FAM135B: variants seen among roughly 807,000 people sequenced by gnomAD.
FAM135B encodes the protein family with sequence similarity 135 member B, also known as protein FAM135B.
Under a neutral mutation model 127.7 loss-of-function variants are expected in FAM135B, and 43 were observed. That is an observed-to-expected ratio of 0.34 (90% confidence interval 0.26 to 0.43). FAM135B has a LOEUF of 0.43. Ranked by LOEUF, FAM135B falls within the 20% of genes least tolerant of loss-of-function variation. The probability of loss-of-function intolerance (pLI) is 1.00; values close to 1 mark genes in which losing one functional copy is unlikely to be tolerated. For missense variants in FAM135B, 1,558 were observed against 1,725.6 expected (o/e 0.90, Z 1.72); for synonymous variants, 670 against 665.1 (o/e 1.01, Z -0.11).
chr8:138,397,314 T>C (rs75985588), intron 1 of FAM135B, among the ~76,000 whole-genome samples: 3,247 of 152,294 alleles, frequency 0.021, 110 homozygotes, highest in African/African-American at 0.073. Flanking sequence ...CATGATTTTA[T>C]GTGTATGAAA....
At chr8:138,234,722 C>T (rs1011431130) in intron 7 of FAM135B, among the ~76,000 whole-genome samples, 1 of 152,208 alleles carries the variant, frequency 6.6e-6, no homozygotes, top group Admixed American at 6.5e-5. Context: ...TTGTGGCACA[C>T]TCCGTGTATA....
At chr8:138,201,916 G>A (rs955156425) in intron 7 of FAM135B, among the ~76,000 whole-genome samples, 7 of 151,950 alleles carry the variant, frequency 4.6e-5, no homozygotes, top group Admixed American at 3.3e-4. Context: ...ACAGGAGGTC[G>A]GGAGTTCGAG....
intron 8 of FAM135B, among the ~76,000 whole-genome samples, chr8:138,196,505 C>T (rs1563756437): frequency 6.6e-6 from 1 of 152,104 alleles, no homozygotes; most frequent in Admixed American, 6.6e-5. Flanking sequence ...CTCTTAAAGA[C>T]CTCAGTCTAT....
At position 138,141,029 on chromosome 8, in the gene FAM135B, C is replaced by T. The variant is rs1280362885; in HGVS notation, c.3790+169G>A. Among the ~76,000 whole-genome samples, 2 of 152,122 alleles carry T rather than the reference C, an allele frequency of 1.3e-5. No homozygotes were observed. The highest frequency in any genetic ancestry group is 2.9e-5 in the Non-Finnish European group (2 of 68,034). On this transcript the variant is annotated intron_variant, in intron 17 of 19. Transcript: ENST00000395297. This position sits in a 1 kb window ranked among gnomAD's most constrained non-coding sequence, Gnocchi z 4.7. ...AAACATCTAGTGTCACCTCACTCAG[C>T]CCCCAGACACAAGGGCCACACCTCT... is the stretch of plus-strand genomic sequence containing the variant.
chr8:138,185,778 T>C (rs1251933125), intron 9 of FAM135B, among the ~76,000 whole-genome samples: 1 of 152,226 alleles, frequency 6.6e-6, no homozygotes, highest in Non-Finnish European at 1.5e-5. Flanking sequence ...ACAGCAACAT[T>C]GCTCTCCAGT....
intron 5 of FAM135B, among the ~76,000 whole-genome samples, chr8:138,255,105 C>A (rs1821976251): frequency 6.7e-6 from 1 of 148,796 alleles, no homozygotes; most frequent in Non-Finnish European, 1.5e-5. Context: ...TCAGGACGCA[C>A]TGTAACCTTG....
chr8:138,217,375 A>G (rs1264231908), intron 7 of FAM135B, among the ~76,000 whole-genome samples: 2 of 151,670 alleles, frequency 1.3e-5, no homozygotes, highest in African/African-American at 2.4e-5. Flanking sequence ...TGGGAAAAAA[A>G]TATCTCTTGC....
At chr8:138,195,890 G>C (rs1384273910) in intron 8 of FAM135B, among the ~76,000 whole-genome samples, 2 of 152,206 alleles carry the variant, frequency 1.3e-5, no homozygotes, top group Non-Finnish European at 2.9e-5. Context: ...CCATGATGCT[G>C]TGGTCAGTCA....
chr8:138,272,718 C>T (rs921397284), intron 3 of FAM135B, among the ~76,000 whole-genome samples: 1 of 152,202 alleles, frequency 6.6e-6, no homozygotes, highest in Non-Finnish European at 1.5e-5. Context: ...GCCTCTAGTA[C>T]ACTTTAGTTG....
intron 1 of FAM135B, among the ~76,000 whole-genome samples, chr8:138,384,145 C>T (rs888928028): frequency 1.3e-5 from 2 of 152,298 alleles, no homozygotes; most frequent in South Asian, 2.1e-4. Flanking sequence ...GCTGGATGTC[C>T]GGTGCATAGC....
At chr8:138,456,347 G>A (rs948326874) in intron 1 of FAM135B, among the ~76,000 whole-genome samples, 1 of 152,174 alleles carries the variant, frequency 6.6e-6, no homozygotes, top group Admixed American at 6.5e-5. Context: ...CTAATCCTTT[G>A]TATCTTTGAA....
At chr8:138,461,945 C>T (rs183612533) in intron 1 of FAM135B, among the ~76,000 whole-genome samples, 2 of 151,990 alleles carry the variant, frequency 1.3e-5, no homozygotes, top group Admixed American at 6.6e-5. Flanking sequence ...TCATCCTGCC[C>T]GAATGACACA....
intron 1 of FAM135B, among the ~76,000 whole-genome samples, chr8:138,408,838 G>A (rs189170528): frequency 5.3e-5 from 8 of 152,208 alleles, no homozygotes; most frequent in Non-Finnish European, 1.5e-5. Flanking sequence ...CTCTTGACAC[G>A]TGGGGTTACA....
intron 3 of FAM135B, among the ~76,000 whole-genome samples, chr8:138,271,112 C>T (rs1823340481): frequency 1.3e-5 from 2 of 152,156 alleles, no homozygotes; most frequent in African/African-American, 4.8e-5. Context: ...GATGATGTGA[C>T]ATGGGAAAAG....
intron 6 of FAM135B, among the ~76,000 whole-genome samples, chr8:138,248,807 G>C (rs1161202697): frequency 2.2e-5 from 3 of 135,172 alleles, no homozygotes; most frequent in African/African-American, 8.7e-5. Flanking sequence ...GTGACAGACA[G>C]AGTGAGACGC....
intron 9 of FAM135B, among the ~76,000 whole-genome samples, chr8:138,189,328 C>G (rs1017304760): frequency 6.6e-6 from 1 of 152,212 alleles, no homozygotes; most frequent in East Asian, 1.9e-4. Context: ...TGCAAGCCTC[C>G]GCATTCACCA....
rs1181684716 is a variant in FAM135B at position 138,496,653 on chromosome 8, C to G, written c.-20+18G>C. 6.6e-6 allele frequency: 1 copy of G among 152,210 alleles called. No individual in the cohort carries two copies. The highest frequency in any genetic ancestry group is 2.4e-5 in the African/African-American group (1 of 41,448). The allele number at this position is 152,210 out of a possible 1,614,324, so 9.4% of individuals were successfully genotyped here. A position where few individuals can be genotyped will look rare whatever the true frequency, so the allele number is the denominator to read the frequency against. The stretch of plus-strand genomic sequence containing the variant: ...GAGAGAGTTTTGCAGCTGCCGACCC[C>G]GAAGCGCTCTCACCTACCTGTCTCC... On this transcript the variant is annotated intron_variant, in intron 1 of 19. Coordinates refer to ENST00000395297, the MANE Select transcript of FAM135B (RefSeq NM_015912.4).
At chr8:138,253,217 A>C (rs1031389169) in intron 5 of FAM135B, among the ~76,000 whole-genome samples, 1 of 152,206 alleles carries the variant, frequency 6.6e-6, no homozygotes, top group Non-Finnish European at 1.5e-5. Flanking sequence ...TCCTTGAAAT[A>C]AAGAAGAATT....
intron 2 of FAM135B, among the ~76,000 whole-genome samples, chr8:138,311,825 C>A (rs992152443): frequency 4.6e-5 from 7 of 152,018 alleles, no homozygotes; most frequent in African/African-American, 1.4e-4. Context: ...AAATGATGAA[C>A]AAAAATGAAG....
Sources: allele counts gnomAD v4.1 joint callset (sites outside exome capture counted in the v4.1 genomes callset), GRCh38; gene constraint gnomAD v4.1.1; non-coding constraint Gnocchi (gnomAD v3.1); transcripts MANE v1.5; gene names NCBI Gene and HGNC (gene_info 2026-07-23, HGNC 2026-07-21).